Variants in POC1B observed in about 807,000 individuals in gnomAD.
POC1B encodes the protein POC1 centriolar protein homolog B.
A neutral mutation model predicts 60.6 loss-of-function variants in POC1B; 44 were observed. The observed-to-expected ratio is 0.73, with a 90% CI of 0.57 to 0.93. The LOEUF is 0.93. Ranked by LOEUF, POC1B falls within the 40% of genes least tolerant of loss-of-function variation. The probability of loss-of-function intolerance (pLI) is 0.00; values close to 1 mark genes in which losing one functional copy is unlikely to be tolerated. For synonymous variants in POC1B, 180 were observed against 198.9 expected (o/e 0.90, Z 0.80); for missense variants, 555 against 572.3 (o/e 0.97, Z 0.31).
chr12:89,501,977 TG>T, intron 2 of POC1B: 1 of 976,702 alleles, frequency 1.0e-6, no homozygotes, highest in South Asian at 1.3e-5. Flanking sequence ...GAGGCAGACT[TG>T]GCTAAGAGGA....
intron 10 of POC1B, among the ~76,000 whole-genome samples, chr12:89,444,231 G>C (rs561006721): frequency 6.6e-6 from 1 of 152,156 alleles, no homozygotes; most frequent in South Asian, 2.1e-4. Flanking sequence ...CAGAAAATGA[G>C]AGAATCCTCC....
Position 89,467,628 on chromosome 12 carries a change from C to T in POC1B, c.868G>A (p.Ala290Thr), listed in dbSNP as rs747542893. The change falls in exon 8 of 12, where the codon GCA (alanine) becomes ACA (threonine). Residue 290 changes from alanine (A) to threonine (T), a missense_variant. Ala to Thr is a moderately conservative substitution (Grantham distance 58). Transcript: ENST00000313546. The stretch of plus-strand genomic sequence containing the variant: ...AAAGATTTACAAACCTGTGTGTCTG[C>T]ACCTCCTGATGCAAATAGCTCTCCA... ...KGGELFASGG[A>T]DTQVLLWRTN... The T allele has an allele frequency of 6.2e-7, 1 of 1,610,994 alleles. No individual in the cohort carries two copies.
chr12:89,462,160 T>C (rs566232874), intron 9 of POC1B, among the ~76,000 whole-genome samples: 3 of 152,326 alleles, frequency 2.0e-5, no homozygotes, highest in Admixed American at 6.5e-5. Flanking sequence ...ATAAGTTAAA[T>C]AGAGCTGGAA....
chr12:89,473,318 G>A (rs1882975557), intron 4 of POC1B, among the ~76,000 whole-genome samples: 1 of 152,174 alleles, frequency 6.6e-6, no homozygotes, highest in South Asian at 2.1e-4. Context: ...CTTTGCATCT[G>A]GCGTTCACAG....
At chr12:89,449,281 T>C (rs1881936637) in intron 10 of POC1B, among the ~76,000 whole-genome samples, 1 of 152,166 alleles carries the variant, frequency 6.6e-6, no homozygotes, top group Non-Finnish European at 1.5e-5. Flanking sequence ...AGAATCTACA[T>C]GCATGCTTAG....
At chr12:89,519,439 TA>T (rs1426915074) in intron 2 of POC1B, 5 of 152,240 alleles carry the variant, frequency 3.3e-5, no homozygotes, top group African/African-American at 1.2e-4. Flanking sequence ...GCACACTTTT[TA>T]TTTTACATCT....
chr12:89,459,742 T>A lies in POC1B; in HGVS notation c.1033-24A>T, dbSNP rs369759656. On this transcript the variant is annotated intron_variant, in intron 9 of 11. Transcript: ENST00000313546. ...ATCTGTGTATATACATAAAAAAAAATTATGAGATTTTCATACCATAAGAAA... is the reference window on the plus strand; with the variant it reads ...ATCTGTGTATATACATAAAAAAAAAATATGAGATTTTCATACCATAAGAAA... The A allele has an allele frequency of 1.3e-4, 171 of 1,305,724 alleles. 3 individuals carry two copies. In the African/African-American group the frequency reaches 2.4e-3, roughly 19 times the overall value. The allele number at this position is 1,305,724 out of a possible 1,614,324, so 80.9% of individuals were successfully genotyped here. A position where few individuals can be genotyped will look rare whatever the true frequency, so the allele number is the denominator to read the frequency against.
intron 3 of POC1B, 149 bp from the exon 4 acceptor site, chr12:89,492,264 T>C (rs1428492699): frequency 3.8e-6 from 2 of 528,616 alleles, no homozygotes; most frequent in Non-Finnish European, 2.9e-6. Context: ...AGGGCTATGT[T>C]GTACTGTACT....
At chr12:89,522,231 C>T (rs1870948066) in intron 2 of POC1B, 4 of 398,384 alleles carry the variant, frequency 1.0e-5, no homozygotes, top group Non-Finnish European at 1.8e-5. Flanking sequence ...CAAACTCACA[C>T]TCAAACAAAT....
At chr12:89,468,791 G>T (rs376776463) in intron 7 of POC1B, among the ~76,000 whole-genome samples, 1 of 152,040 alleles carries the variant, frequency 6.6e-6, no homozygotes, top group African/African-American at 2.4e-5. Flanking sequence ...AGGAAGCCAG[G>T]CAGAACCTGT....
At chr12:89,520,468 G>A (rs1304561254) in intron 2 of POC1B, 1 of 151,914 alleles carries the variant, frequency 6.6e-6, no homozygotes, top group African/African-American at 2.4e-5. Context: ...GAAGTGGGTG[G>A]GTTTAGGAGA....
chr12:89,461,305 A>T (rs1361524190), intron 9 of POC1B: 1 of 152,188 alleles, frequency 6.6e-6, no homozygotes, highest in Non-Finnish European at 1.5e-5. Context: ...TTAATAAAAG[A>T]TCTAGAAAAC....
At chr12:89,477,357 G>A (rs1449187232) in intron 4 of POC1B, among the ~76,000 whole-genome samples, 1 of 152,130 alleles carries the variant, frequency 6.6e-6, no homozygotes, top group Non-Finnish European at 1.5e-5. Context: ...GATGAAGCAT[G>A]CCATGAAAAT....
chr12:89,522,726 A>C lies in POC1B; in HGVS notation c.100+2394T>G. 4.0e-6 allele frequency: 6 copies of C among 1,490,478 alleles called. No individual in the cohort carries two copies. In the East Asian group the frequency reaches 7.0e-5, roughly 17 times the overall value. 92.3% of individuals were successfully genotyped at this position (1,490,478 alleles called of 1,614,324 possible). ...ATGACTGCTAGGTGGCTTTTGATAA[A>C]ATAAAATACAATCTTCACTGAGGCT... On this transcript the variant is annotated intron_variant, in intron 2 of 11. Transcript: ENST00000313546.
intron 4 of POC1B, among the ~76,000 whole-genome samples, chr12:89,488,880 C>T (rs1868791079): frequency 6.6e-6 from 1 of 152,096 alleles, no homozygotes; most frequent in South Asian, 2.1e-4. Context: ...TGTGCAGCTC[C>T]CTGTGAAGAA....
At position 89,490,995 on chromosome 12, in the gene POC1B, C is replaced by T. The variant is rs184028082; in HGVS notation, c.452+941G>A. ...CTTTGACAGTCTATTCTCCACACAG[C>T]AGTCTGAGCAATTCCAGCAAAATGT... On this transcript the variant is annotated intron_variant, in intron 4 of 11. Transcript: ENST00000313546. 9.8e-5 allele frequency among the ~76,000 whole-genome samples: 15 copies of T among 152,286 alleles called. 1 individual carries two copies. The East Asian group carries it at 2.7e-3, about 27-fold the overall frequency.
chr12:89,478,268 G>A (rs113900050), intron 4 of POC1B, among the ~76,000 whole-genome samples: 5 of 152,170 alleles, frequency 3.3e-5, no homozygotes, highest in Non-Finnish European at 5.9e-5. Context: ...ACAGGCATGT[G>A]CCACCATATC....
intron 10 of POC1B, among the ~76,000 whole-genome samples, chr12:89,457,382 A>T (rs908996708): frequency 1.3e-5 from 2 of 152,248 alleles, no homozygotes; most frequent in African/African-American, 4.8e-5. Context: ...ACTAAAAGAA[A>T]GAGATACACA....
chr12:89,402,456 G>T, the POC1B span, among the ~76,000 whole-genome samples: 1 of 152,044 alleles, frequency 6.6e-6, no homozygotes, highest in Non-Finnish European at 1.5e-5. Flanking sequence ...TTGTTGGACA[G>T]ATTTTGTTAC....
Sources: gnomAD v4.1 joint callset for allele counts (sites outside exome capture counted in the v4.1 genomes callset) on GRCh38, gnomAD v4.1.1 for gene constraint, MANE v1.5 for transcripts, NCBI Gene and HGNC (gene_info 2026-07-23, HGNC 2026-07-21) for gene names.